Variants in PDE3A observed in about 807,000 individuals in gnomAD.
PDE3A encodes the protein phosphodiesterase 3A, also known as cGMP-inhibited 3',5'-cyclic phosphodiesterase 3A.
Under a neutral mutation model 98.3 loss-of-function variants are expected in PDE3A, and 43 were observed. The observed-to-expected ratio is 0.44, with a 90% CI of 0.34 to 0.56. PDE3A has a LOEUF of 0.56. PDE3A is among the 20% of genes least tolerant of loss of function. The probability of loss-of-function intolerance (pLI) is 0.01; values close to 1 mark genes in which losing one functional copy is unlikely to be tolerated. For missense variants in PDE3A, 1,427 were observed against 1,440.7 expected (o/e 0.99, Z 0.15); for synonymous variants, 663 against 567.9 (o/e 1.17, Z -2.38).
At position 20,369,883 on chromosome 12, in the gene PDE3A, C is replaced by G. The variant is rs1480961193; in HGVS notation, c.599C>G (p.Ala200Gly). The change falls in exon 1 of 16, where the codon GCC (alanine) becomes GGC (glycine). Residue 200 changes from alanine (A) to glycine (G), a missense_variant. Physicochemically the swap from Ala to Gly is moderately conservative, Grantham distance 60. Coordinates refer to ENST00000359062, the MANE Select transcript of PDE3A (RefSeq NM_000921.5). ...AAGVVLSCLA[A>G]ATWLVLRLRL... Reference sequence around the variant, plus strand: ...GGGGTGGTGCTCAGCTGCTTGGCCGCCGCGACATGGCTGGTGCTGAGGCTG... The same window carrying G: ...GGGGTGGTGCTCAGCTGCTTGGCCGGCGCGACATGGCTGGTGCTGAGGCTG... 3 of 1,613,200 alleles carry G rather than the reference C, an allele frequency of 1.9e-6. No individual in the cohort carries two copies. In the East Asian group the frequency reaches 6.7e-5, roughly 36 times the overall value.
intron 1 of PDE3A, among the ~76,000 whole-genome samples, chr12:20,546,862 C>T (rs1942074520): frequency 6.6e-6 from 1 of 151,836 alleles, no homozygotes; most frequent in Non-Finnish European, 1.5e-5. Flanking sequence ...CAGAAGAATC[C>T]CTGGTGTATT....
intron 15 of PDE3A, among the ~76,000 whole-genome samples, chr12:20,673,215 G>T (rs1945537453): frequency 6.6e-6 from 1 of 152,112 alleles, no homozygotes; most frequent in Non-Finnish European, 1.5e-5. Context: ...TACTGGAAAG[G>T]ATGTGGAGAA....
In PDE3A at chr12:20,512,216, T is replaced by C. The variant is rs573293876; in HGVS notation, c.961-44444T>C. On this transcript the variant is annotated intron_variant, in intron 1 of 15. Transcript: ENST00000359062. ...TCCATTAGTTATAACAATTGTACTA[T>C]GCTAATATAAAATGTTAATAACAGA... Among the ~76,000 whole-genome samples, 7 of 151,990 alleles carry C rather than the reference T, an allele frequency of 4.6e-5. No individual in the cohort carries two copies. In the South Asian group the frequency reaches 6.2e-4, roughly 14 times the overall value.
chr12:20,469,720 A>G (rs115410522), intron 1 of PDE3A, among the ~76,000 whole-genome samples: 1,857 of 152,340 alleles, frequency 0.012, 42 homozygotes, highest in African/African-American at 0.042. Context: ...AACATAATAA[A>G]TTTTTAGGTA....
intron 1 of PDE3A, among the ~76,000 whole-genome samples, chr12:20,539,847 T>A (rs1941849067): frequency 6.6e-6 from 1 of 152,136 alleles, no homozygotes; most frequent in South Asian, 2.1e-4. Context: ...TGAAAGGTGT[T>A]ACATTGATTA....
intron 1 of PDE3A, among the ~76,000 whole-genome samples, chr12:20,391,670 T>C (rs1943917921): frequency 6.6e-6 from 1 of 151,650 alleles, no homozygotes; most frequent in South Asian, 2.1e-4. Context: ...AAATTAAAGG[T>C]AGAGCTCAAT....
chr12:20,668,862 G>A (rs1382520728), intron 15 of PDE3A, among the ~76,000 whole-genome samples: 6 of 151,588 alleles, frequency 4.0e-5, no homozygotes, highest in South Asian at 2.1e-4. Context: ...TGACTTTGAC[G>A]AGCTGAGAGA....
At chr12:20,386,120 T>TAAATATATAAAA (rs1565532559) in intron 1 of PDE3A, among the ~76,000 whole-genome samples, 3 of 76,162 alleles carry the variant, frequency 3.9e-5, no homozygotes, top group East Asian at 3.3e-4. Context: ...TAAATATATA[T>TAAATATATAAAA]AAATATATAT....
chr12:20,463,933 C>T (rs1346128779), intron 1 of PDE3A, among the ~76,000 whole-genome samples: 1 of 152,038 alleles, frequency 6.6e-6, no homozygotes, highest in Non-Finnish European at 1.5e-5. Flanking sequence ...AAAACGAAGA[C>T]CATATGGTAT....
At chr12:20,453,112 A>T (rs1299624297) in intron 1 of PDE3A, among the ~76,000 whole-genome samples, 1 of 151,382 alleles carries the variant, frequency 6.6e-6, no homozygotes, top group Non-Finnish European at 1.5e-5. Flanking sequence ...ACCACAATGA[A>T]GTTGAGTTTT....
intron 1 of PDE3A, among the ~76,000 whole-genome samples, chr12:20,467,782 A>C (rs971551495): frequency 4.0e-5 from 6 of 151,784 alleles, no homozygotes; most frequent in African/African-American, 1.5e-4. Context: ...TAAAAATACA[A>C]AAAGTAGCTG....
intron 2 of PDE3A, among the ~76,000 whole-genome samples, chr12:20,576,594 A>G (rs907210269): frequency 2.6e-5 from 4 of 152,144 alleles, no homozygotes; most frequent in Middle Eastern, 3.2e-3. Context: ...TATATCCACT[A>G]CTAGCAATAA....
chr12:20,566,321 T>C (rs1942654211), intron 2 of PDE3A, among the ~76,000 whole-genome samples: 1 of 151,778 alleles, frequency 6.6e-6, no homozygotes, highest in African/African-American at 2.4e-5. Flanking sequence ...GTTATCAAAC[T>C]TGCATCAAAA....
At chr12:20,543,518 T>C (rs1360256344) in intron 1 of PDE3A, among the ~76,000 whole-genome samples, 4 of 152,020 alleles carry the variant, frequency 2.6e-5, no homozygotes. Flanking sequence ...CCATTAATAT[T>C]AAAATTTAGA....
chr12:20,671,804 C>T (rs1188092350), intron 15 of PDE3A, among the ~76,000 whole-genome samples: 3 of 144,456 alleles, frequency 2.1e-5, no homozygotes, highest in Non-Finnish European at 3.0e-5. Context: ...CAGGGATGCC[C>T]TCTCTCACCA....
chr12:20,665,892 T>C (rs1169887819), intron 15 of PDE3A, among the ~76,000 whole-genome samples: 5 of 152,016 alleles, frequency 3.3e-5, no homozygotes, highest in African/African-American at 4.8e-5. Flanking sequence ...TTTTGCTACA[T>C]TCATCAAATG....
At chr12:20,679,230 A>T (rs1945709514) in intron 15 of PDE3A, among the ~76,000 whole-genome samples, 1 of 152,124 alleles carries the variant, frequency 6.6e-6, no homozygotes, top group Admixed American at 6.5e-5. Flanking sequence ...AGTTAACTAC[A>T]CTTTGAAATT....
At chr12:20,658,782 T>C (rs1945097005) in intron 15 of PDE3A, among the ~76,000 whole-genome samples, 1 of 152,174 alleles carries the variant, frequency 6.6e-6, no homozygotes, top group African/African-American at 2.4e-5. Context: ...TAAATTTTAT[T>C]TTGTAAGACT....
intron 2 of PDE3A, among the ~76,000 whole-genome samples, chr12:20,576,504 G>C (rs1332179000): frequency 2.0e-5 from 3 of 152,078 alleles, no homozygotes; most frequent in African/African-American, 7.2e-5. Context: ...AAAACAGAGG[G>C]ATGAGTAGTT....
Sources: gnomAD v4.1 joint callset for allele counts (sites outside exome capture counted in the v4.1 genomes callset) on GRCh38, gnomAD v4.1.1 for gene constraint, MANE v1.5 for transcripts, NCBI Gene and HGNC (gene_info 2026-07-23, HGNC 2026-07-21) for gene names.